Variants in FCHSD2 observed in about 807,000 individuals in gnomAD.
FCHSD2 encodes the protein F-BAR and double SH3 domains protein 2.
A neutral mutation model predicts 108.1 loss-of-function variants in FCHSD2; 38 were observed. The observed-to-expected ratio is 0.35, with a 90% confidence interval of 0.27 to 0.46. The LOEUF (loss-of-function observed/expected upper bound fraction) is 0.46, where lower values mean the gene tolerates loss of function less well. Ranked by LOEUF, FCHSD2 falls within the 20% of genes least tolerant of loss-of-function variation. The pLI, the probability that FCHSD2 is intolerant of heterozygous loss-of-function variation, is 1.00. For missense variants in FCHSD2, 751 were observed against 897.8 expected, an observed-to-expected ratio of 0.84 and a Z score of 2.09; for synonymous variants, 279 against 314.7, an observed-to-expected ratio of 0.89 and a Z score of 1.20.
At chr11:73,029,924 G>GAAAAAC (rs1220048353) in intron 3 of FCHSD2, among the ~76,000 whole-genome samples, 2 of 151,852 alleles carry the variant, frequency 1.3e-5, no homozygotes, top group South Asian at 2.1e-4. Context: ...AAAAACAAAA[G>GAAAAAC]AAAAACAAAA....
intron 3 of FCHSD2, among the ~76,000 whole-genome samples, chr11:73,036,497 TA>T (rs1465145116): frequency 6.6e-6 from 1 of 152,194 alleles, no homozygotes; most frequent in East Asian, 1.9e-4. Context: ...TCCTCAACTG[TA>T]AAATGGGCAT....
intron 10 of FCHSD2, among the ~76,000 whole-genome samples, chr11:72,894,070 AG>A (rs1007482706): frequency 3.9e-5 from 6 of 152,232 alleles, no homozygotes; most frequent in African/African-American, 1.4e-4. Flanking sequence ...AACCATTTCA[AG>A]GAGAGAAAAA....
rs11408216 is a variant in FCHSD2, at chr11:72,959,220, CTTTTTT to C, written c.705+24862_705+24867del. Among the ~76,000 whole-genome samples, 22 of 56,324 alleles carry C rather than the reference CTTTTTT, an allele frequency of 3.9e-4. 1 individual carries two copies. The highest frequency in any genetic ancestry group is 1.4e-3 in the African/African-American group (20 of 14,162). 37.0% of individuals were successfully genotyped at this position (56,324 alleles called of 152,430 possible). A position where few individuals can be genotyped will look rare whatever the true frequency, so the allele number is the denominator to read the frequency against. ...TTTTCCACTTCATATATCCAGCAGT[CTTTTTT>C]TTTTTTTTTTTTTTTTTTTTTGAGA... On this transcript the variant is annotated intron_variant, in intron 8 of 19. Coordinates refer to ENST00000409418, the MANE Select transcript of FCHSD2 (RefSeq NM_014824.3).
intron 8 of FCHSD2, among the ~76,000 whole-genome samples, chr11:72,946,451 T>C (rs1201099339): frequency 1.3e-5 from 2 of 151,656 alleles, no homozygotes; most frequent in African/African-American, 2.4e-5. Context: ...TGTTAAATGA[T>C]GAGTTACTGG....
intron 8 of FCHSD2, among the ~76,000 whole-genome samples, chr11:72,938,840 T>C (rs1326441656): frequency 6.6e-6 from 1 of 152,220 alleles, no homozygotes. Flanking sequence ...ATTTTGGTTT[T>C]TGTTTTCTTA....
chr11:73,010,968 T>C (rs1857849742), intron 4 of FCHSD2, among the ~76,000 whole-genome samples: 1 of 151,988 alleles, frequency 6.6e-6, no homozygotes, highest in South Asian at 2.1e-4. Flanking sequence ...CTGGTGTTGG[T>C]GGTGGCTGTG....
At chr11:72,954,527 GAATT>G (rs1203737935) in intron 8 of FCHSD2, among the ~76,000 whole-genome samples, 1 of 151,986 alleles carries the variant, frequency 6.6e-6, no homozygotes, top group Non-Finnish European at 1.5e-5. Context: ...CTATTTAAAG[GAATT>G]ATTAATGGGA....
chr11:73,082,873 C>A (rs1859728713), intron 3 of FCHSD2, among the ~76,000 whole-genome samples: 1 of 152,074 alleles, frequency 6.6e-6, no homozygotes, highest in Non-Finnish European at 1.5e-5. Context: ...GTTATTAATT[C>A]TTATACAACC....
At chr11:72,861,354 T>C (rs1248287577) in intron 13 of FCHSD2, among the ~76,000 whole-genome samples, 1 of 150,446 alleles carries the variant, frequency 6.6e-6, no homozygotes, top group Non-Finnish European at 1.5e-5. Flanking sequence ...TTAATAACCC[T>C]GTATCTACTA....
At chr11:72,892,908 A>ATT (rs5792606) in intron 10 of FCHSD2, among the ~76,000 whole-genome samples, 15 of 150,898 alleles carry the variant, frequency 9.9e-5, no homozygotes, top group East Asian at 2.0e-4. Context: ...GTGGCTGGTA[A>ATT]TTTTTTTTTT....
chr11:72,985,353 T>C (rs796174936), intron 6 of FCHSD2, among the ~76,000 whole-genome samples: 16 of 109,366 alleles, frequency 1.5e-4, no homozygotes, highest in African/African-American at 5.7e-4. Context: ...ATATCCAGAA[T>C]GACCAAAAAA....
chr11:73,034,932 C>A (rs1858450755), intron 3 of FCHSD2, among the ~76,000 whole-genome samples: 1 of 152,120 alleles, frequency 6.6e-6, no homozygotes, highest in South Asian at 2.1e-4. Flanking sequence ...AAAGGTCACT[C>A]CACAGGCAGC....
At chr11:72,880,686 C>A (rs1855065072) in intron 12 of FCHSD2, among the ~76,000 whole-genome samples, 1 of 151,754 alleles carries the variant, frequency 6.6e-6, no homozygotes, top group African/African-American at 2.4e-5. Context: ...GAGGCTGAGG[C>A]GGGTGGATCC....
At chr11:73,023,306 G>C (rs1481242845) in intron 3 of FCHSD2, among the ~76,000 whole-genome samples, 1 of 152,066 alleles carries the variant, frequency 6.6e-6, no homozygotes, top group African/African-American at 2.4e-5. Context: ...GATAAAGGAA[G>C]TCCAAATATA....
In FCHSD2 at chr11:72,837,899, T is replaced by C. The variant is rs1381156056; in HGVS notation, c.*892A>G. The C allele has an allele frequency of 6.6e-6, 1 of 152,190 alleles. No individual in the cohort carries two copies. The allele number at this position is 152,190 out of a possible 1,614,324, so 9.4% of individuals were successfully genotyped here. A position where few individuals can be genotyped will look rare whatever the true frequency, so the allele number is the denominator to read the frequency against. ...CGTCCCCAGTAGAGAAGCTCAACAA[T>C]GCAGGTATGTGTCCTCAACTTATCT... On this transcript the variant is annotated 3_prime_UTR_variant, in exon 20 of 20. Transcript: ENST00000409418.
chr11:72,866,810 A>C (rs1306688606), intron 13 of FCHSD2, among the ~76,000 whole-genome samples: 1 of 152,272 alleles, frequency 6.6e-6, no homozygotes, highest in Non-Finnish European at 1.5e-5. Flanking sequence ...AAGAATGTTG[A>C]AAAATTTTCG....
intron 3 of FCHSD2, among the ~76,000 whole-genome samples, chr11:73,041,746 A>C (rs1295021276): frequency 6.6e-6 from 1 of 151,992 alleles, no homozygotes; most frequent in African/African-American, 2.4e-5. Flanking sequence ...TTTTAATTTA[A>C]TATAGTCCTA....
At chr11:72,907,599 G>GT (rs35079551) in intron 9 of FCHSD2, among the ~76,000 whole-genome samples, 4,154 of 114,610 alleles carry the variant, frequency 0.036, 328 homozygotes, top group African/African-American at 0.11. Context: ...AATCACGTGG[G>GT]TTTTTTTTTT....
At chr11:73,074,097 T>A (rs1859493067) in intron 3 of FCHSD2, among the ~76,000 whole-genome samples, 1 of 152,010 alleles carries the variant, frequency 6.6e-6, no homozygotes, top group South Asian at 2.1e-4. Flanking sequence ...GGGAAAAAAA[T>A]ATTTCAAAGA....
Sources: allele counts gnomAD v4.1 joint callset (sites outside exome capture counted in the v4.1 genomes callset), GRCh38; gene constraint gnomAD v4.1.1; transcripts MANE v1.5; gene names NCBI Gene and HGNC (gene_info 2026-07-23, HGNC 2026-07-21).